The following LPP variants were observed in gnomAD, a reference collection of about 807,000 sequenced individuals.
The protein encoded by LPP is lipoma-preferred partner.
Under a neutral mutation model 60.4 loss-of-function variants are expected in LPP, and 38 were observed. The ratio of observed to expected loss-of-function variants is 0.63; its 90% CI spans 0.49 to 0.83. The LOEUF is 0.83. Among genes scored for constraint, LPP ranks in the 40% least tolerant of loss-of-function variants. The probability of loss-of-function intolerance (pLI) is 0.00; values close to 1 mark genes in which losing one functional copy is unlikely to be tolerated. For missense variants in LPP, 902 were observed against 783.6 expected (o/e 1.15, Z -1.80); for synonymous variants, 328 against 290.8 (o/e 1.13, Z -1.30).
chr3:188,843,520 G>T (rs936600760), intron 9 of LPP, among the ~76,000 whole-genome samples: 1 of 152,022 alleles, frequency 6.6e-6, no homozygotes, highest in Non-Finnish European at 1.5e-5. Flanking sequence ...GGGCGCGGTG[G>T]CTCACGCCTG....
intron 3 of LPP, among the ~76,000 whole-genome samples, chr3:188,385,278 C>A (rs1777975762): frequency 6.6e-6 from 1 of 152,078 alleles, no homozygotes; most frequent in Admixed American, 6.6e-5. Flanking sequence ...TACAAAATCT[C>A]TTTTAAGGCA....
chr3:188,586,705 T>C (rs1002437020), intron 6 of LPP, among the ~76,000 whole-genome samples: 11 of 151,126 alleles, frequency 7.3e-5, no homozygotes, highest in East Asian at 3.9e-4. Context: ...CTCGTAGGTA[T>C]TTTTAGCAAA....
intron 3 of LPP, among the ~76,000 whole-genome samples, chr3:188,390,635 C>T (rs959974596): frequency 2.0e-5 from 3 of 151,106 alleles, no homozygotes; most frequent in Non-Finnish European, 2.9e-5. Flanking sequence ...TTTTTCTTTC[C>T]GTCTACAAAA....
intron 1 of LPP, among the ~76,000 whole-genome samples, chr3:188,219,722 A>G (rs1257299377): frequency 1.3e-5 from 2 of 152,214 alleles, no homozygotes; most frequent in African/African-American, 4.8e-5. Flanking sequence ...CTGTGGGTCC[A>G]TGTGGGTCCT....
intron 6 of LPP, among the ~76,000 whole-genome samples, chr3:188,591,622 AG>A (rs1376822866): frequency 6.6e-6 from 1 of 152,166 alleles, no homozygotes; most frequent in Admixed American, 6.5e-5. Context: ...TTATTGCAGT[AG>A]CTTCCAGGCT....
chr3:188,761,332 G>A (rs1306161872), intron 9 of LPP, among the ~76,000 whole-genome samples: 1 of 152,100 alleles, frequency 6.6e-6, no homozygotes, highest in East Asian at 1.9e-4. Flanking sequence ...GTAACCTTGG[G>A]GTCTGTAGCA....
chr3:188,858,113 C>T (rs1764271155), intron 9 of LPP, among the ~76,000 whole-genome samples: 1 of 152,174 alleles, frequency 6.6e-6, no homozygotes, highest in Admixed American at 6.5e-5. Context: ...CCTACTGTTT[C>T]ACTAATTCTC....
intron 2 of LPP, among the ~76,000 whole-genome samples, chr3:188,246,932 C>T (rs1727173162): frequency 6.6e-6 from 1 of 152,164 alleles, no homozygotes; most frequent in East Asian, 1.9e-4. Context: ...GCCTTCTTTT[C>T]TTAGAGATTG....
chr3:188,793,266 A>T (rs935467684), intron 9 of LPP, among the ~76,000 whole-genome samples: 1 of 149,044 alleles, frequency 6.7e-6, no homozygotes, highest in East Asian at 2.0e-4. Context: ...CCCGCAACCT[A>T]TGCCTCCTGA....
intron 9 of LPP, among the ~76,000 whole-genome samples, chr3:188,817,361 C>T (rs1306218569): frequency 6.6e-6 from 1 of 152,186 alleles, no homozygotes; most frequent in Non-Finnish European, 1.5e-5. Context: ...ACCAGATGAC[C>T]TCTTTGAACA....
chr3:188,460,603 G>C (rs1313486383), intron 4 of LPP, among the ~76,000 whole-genome samples: 1 of 151,586 alleles, frequency 6.6e-6, no homozygotes, highest in Non-Finnish European at 1.5e-5. Context: ...TTTAAAACAT[G>C]GTATAATTTT....
At chr3:188,578,656 A>C (rs1303841531) in intron 6 of LPP, among the ~76,000 whole-genome samples, 1 of 151,460 alleles carries the variant, frequency 6.6e-6, no homozygotes, top group African/African-American at 2.4e-5. Flanking sequence ...TGATTTGTTC[A>C]ACTAAGGAGA....
chr3:188,205,574 A>C (rs924465166), intron 1 of LPP, among the ~76,000 whole-genome samples: 1 of 152,040 alleles, frequency 6.6e-6, no homozygotes, highest in African/African-American at 2.4e-5. Context: ...GAGCCACTGC[A>C]CCCAGCTGTA....
chr3:188,477,984 G>A (rs1803679217), intron 4 of LPP, among the ~76,000 whole-genome samples: 1 of 152,036 alleles, frequency 6.6e-6, no homozygotes, highest in Admixed American at 6.6e-5. Context: ...GATTGAGGAT[G>A]GAGTTGAAGT....
At chr3:188,550,725 G>A (rs946550570) in intron 6 of LPP, among the ~76,000 whole-genome samples, 2 of 152,094 alleles carry the variant, frequency 1.3e-5, no homozygotes, top group African/African-American at 4.8e-5. Flanking sequence ...TTGCTGGTTA[G>A]TTAACTGGAA....
intron 7 of LPP, among the ~76,000 whole-genome samples, chr3:188,621,430 C>T (rs1845781461): frequency 6.6e-6 from 1 of 152,182 alleles, no homozygotes; most frequent in Non-Finnish European, 1.5e-5. Context: ...ATTTGGCTTT[C>T]TGTCCCTGCA....
At chr3:188,611,964 G>A (rs1470020784) in intron 7 of LPP, among the ~76,000 whole-genome samples, 1 of 152,152 alleles carries the variant, frequency 6.6e-6, no homozygotes, top group Non-Finnish European at 1.5e-5. Flanking sequence ...GAGATGGAAT[G>A]AATTTTTATA....
intron 9 of LPP, among the ~76,000 whole-genome samples, chr3:188,771,559 A>AG (rs1408242115): frequency 6.4e-5 from 5 of 77,568 alleles, no homozygotes; most frequent in African/African-American, 2.2e-4. Context: ...CAAAAAAAAA[A>AG]AAAAAAAGAA....
chr3:188,487,491 T>G (rs1806910933), intron 5 of LPP, among the ~76,000 whole-genome samples: 2 of 152,168 alleles, frequency 1.3e-5, no homozygotes, highest in Admixed American at 1.3e-4. Context: ...TGGCTTAAGT[T>G]CTCTGTAAAA....
Sources: gnomAD v4.1 joint callset for allele counts (sites outside exome capture counted in the v4.1 genomes callset) on GRCh38, gnomAD v4.1.1 for gene constraint, MANE v1.5 for transcripts, NCBI Gene and HGNC (gene_info 2026-07-23, HGNC 2026-07-21) for gene names.